CPT1A: variants seen among roughly 807,000 people sequenced by gnomAD.
CPT1A encodes the protein carnitine O-palmitoyltransferase 1, liver isoform.
In CPT1A, 64 loss-of-function variants were observed where a neutral mutation model predicts 100.8. That is an observed-to-expected ratio of 0.63 (90% CI 0.52 to 0.78). The LOEUF is 0.78. Among genes scored for constraint, CPT1A ranks in the 30% least tolerant of loss-of-function variants. CPT1A has a pLI of 0.00. For synonymous variants in CPT1A, 363 were observed against 396.0 expected, an observed-to-expected ratio of 0.92 and a Z score of 0.99; for missense variants, 802 against 1,034.1, an observed-to-expected ratio of 0.78 and a Z score of 3.08.
At chr11:68,758,074 C>A (rs1160569943) in intron 18 of CPT1A, among the ~76,000 whole-genome samples, 1 of 152,130 alleles carries the variant, frequency 6.6e-6, no homozygotes, top group Non-Finnish European at 1.5e-5. Flanking sequence ...TCAAGACCAG[C>A]CTGGGAAACA....
At chr11:68,827,662 G>A (rs1856765269) in intron 1 of CPT1A, among the ~76,000 whole-genome samples, 1 of 151,970 alleles carries the variant, frequency 6.6e-6, no homozygotes, top group Admixed American at 6.6e-5. Context: ...GATTACAGGT[G>A]CCCAGCCCTG....
Position 68,780,679 on chromosome 11 carries a change from G to C in CPT1A, c.1419C>G (p.His473Gln). 6.2e-7 allele frequency: 1 copy of C among 1,614,232 alleles called. No individual in the cohort carries two copies. The highest frequency in any genetic ancestry group is 8.5e-7 in the Non-Finnish European group (1 of 1,180,032). The change falls in exon 12 of 19, where the codon CAC becomes CAG. Residue 473 changes from histidine (H) to glutamine (Q), a missense_variant. Physicochemically the swap from His to Gln is conservative, Grantham distance 24. This residue lies in a region of CPT1A where 627 missense variants were observed against 799.3 expected (regional missense o/e 0.78). Transcript: ENST00000265641. ...CCACGATCGGCGCATCTGCCCAGGA[G>C]TGTTCAGCGTTGAGGCCCATCTTCC... ...KNGKMGLNAE[H>Q]SWADAPIVAH...
chr11:68,804,661 T>C lies in CPT1A; in HGVS notation c.454-560A>G, dbSNP rs145820814. Among the ~76,000 whole-genome samples the C allele has an allele frequency of 3.6e-3, 545 of 152,330 alleles. 3 individuals carry two copies. Among genetic ancestry groups the C allele is most frequent in the African/African-American group, 0.012 (505 of 41,578 alleles). ...GCCAAGCCTGACAGAGGCCGTGAGA[T>C]GTCGCTGCCAGCGTCGTGACTGGCC... On this transcript the variant is annotated intron_variant, in intron 4 of 18. Transcript: ENST00000265641.
intron 1 of CPT1A, among the ~76,000 whole-genome samples, chr11:68,820,838 A>G (rs1463777994): frequency 1.3e-5 from 2 of 152,074 alleles, no homozygotes; most frequent in Admixed American, 1.3e-4. Context: ...GAGTTACTAC[A>G]CAGTAGTACT....
intron 1 of CPT1A, among the ~76,000 whole-genome samples, chr11:68,821,064 G>A (rs997060357): frequency 2.6e-5 from 4 of 152,278 alleles, no homozygotes; most frequent in African/African-American, 7.2e-5. Context: ...GTGCAATCTC[G>A]GGTTCAAGTG....
At chr11:68,788,374 G>A (rs11228353) in intron 9 of CPT1A, among the ~76,000 whole-genome samples, 12,513 of 152,002 alleles carry the variant, frequency 0.082, 633 homozygotes, top group Non-Finnish European at 0.11. Context: ...CGAGGCGGGC[G>A]GATCACTTGA....
Position 68,796,831 on chromosome 11 carries a change from C to T in CPT1A, c.771+25G>A, listed in dbSNP as rs779903651. On this transcript the variant is annotated intron_variant, in intron 7 of 18. Coordinates refer to ENST00000265641, the MANE Select transcript of CPT1A (RefSeq NM_001876.4). Reference sequence around the variant, plus strand: ...CCGCCGCCCCACCGTCCTCGTCAGACAGCAGCCCGGGCGGGTGGACTCACC... The same window carrying T: ...CCGCCGCCCCACCGTCCTCGTCAGATAGCAGCCCGGGCGGGTGGACTCACC... 6 of 1,611,650 alleles carry T rather than the reference C, an allele frequency of 3.7e-6. No homozygotes were observed. The African/African-American group carries it at 6.7e-5, about 18-fold the overall frequency.
At chr11:68,821,607 G>A (rs1856584025) in intron 1 of CPT1A, among the ~76,000 whole-genome samples, 2 of 152,226 alleles carry the variant, frequency 1.3e-5, no homozygotes, top group African/African-American at 4.8e-5. Flanking sequence ...TATACTTTAA[G>A]TCATCTCTAG....
chr11:68,757,750 A>T lies in CPT1A; in HGVS notation c.2236-20T>A. On this transcript the variant is annotated intron_variant, in intron 18 of 18. Transcript: ENST00000265641. ...AGAATCCTTTCATGTAAAAACAAAA[A>T]CCAAAAACCTATTAAAACGTGGCCA... 6.2e-7 allele frequency: 1 copy of T among 1,610,500 alleles called. No homozygotes were observed. Among genetic ancestry groups the T allele is most frequent in the Non-Finnish European group, 8.5e-7 (1 of 1,177,324 alleles).
chr11:68,791,269 C>A (rs184835670), intron 9 of CPT1A, among the ~76,000 whole-genome samples: 2 of 152,358 alleles, frequency 1.3e-5, no homozygotes, highest in East Asian at 3.9e-4. Flanking sequence ...CCCCAGGACA[C>A]CCTGACCCAC....
intron 8 of CPT1A, 101 bp from the exon 9 acceptor site, chr11:68,793,503 T>C (rs1233737212): frequency 2.4e-5 from 21 of 880,384 alleles, no homozygotes; most frequent in Non-Finnish European, 3.4e-5. Context: ...CCCAACACTT[T>C]GGGAGGCTGA....
chr11:68,813,902 G>C (rs1298377299), intron 2 of CPT1A, among the ~76,000 whole-genome samples: 1 of 152,208 alleles, frequency 6.6e-6, no homozygotes, highest in Non-Finnish European at 1.5e-5. Flanking sequence ...AGAACCCACA[G>C]GCTGAGCCCC....
chr11:68,810,410 G>C (rs897918841), intron 3 of CPT1A, among the ~76,000 whole-genome samples: 1 of 152,140 alleles, frequency 6.6e-6, no homozygotes, highest in Non-Finnish European at 1.5e-5. Context: ...AGGCGTCCCA[G>C]CCAGGCATGC....
intron 15 of CPT1A, among the ~76,000 whole-genome samples, 190 bp from the exon 16 acceptor site, chr11:68,761,877 C>T (rs751752090): frequency 6.6e-6 from 1 of 152,186 alleles, no homozygotes; most frequent in Non-Finnish European, 1.5e-5. Context: ...TCCCAAAGTA[C>T]TGGGATTACA....
intron 14 of CPT1A, among the ~76,000 whole-genome samples, chr11:68,770,072 A>AC (rs397765529): frequency 2.7e-5 from 4 of 150,590 alleles, no homozygotes; most frequent in Non-Finnish European, 5.9e-5. Context: ...AAAAAAAAAA[A>AC]CAGTGTGAAC....
Position 68,807,485 on chromosome 11 carries a change from A to T in CPT1A, c.435T>A (p.Arg145=). 6.2e-7 allele frequency: 1 copy of T among 1,614,096 alleles called. No individual in the cohort carries two copies. The highest frequency in any genetic ancestry group is 2.2e-5 in the East Asian group (1 of 44,878). ...WMFTEHGKMS[R]ATKIWMGMVK... The stretch of plus-strand genomic sequence containing the variant: ...CAATTACCATCCAGATCTTGGTGGC[A>T]CGACTCATCTTGCCGTGCTCAGTGA... Residue 145 remains arginine, a synonymous_variant, in exon 4 of 19, where the codon CGT becomes CGA. Transcript: ENST00000265641.
At chr11:68,794,130 A>G (rs751597553) in intron 8 of CPT1A, among the ~76,000 whole-genome samples, 38 of 152,348 alleles carry the variant, frequency 2.5e-4, no homozygotes, top group Admixed American at 9.2e-4. Flanking sequence ...AAGGAGAATT[A>G]CATCTCAGAA....
intron 1 of CPT1A, among the ~76,000 whole-genome samples, chr11:68,824,340 A>T (rs1013216999): frequency 1.3e-5 from 2 of 152,042 alleles, no homozygotes; most frequent in African/African-American, 4.8e-5. Context: ...GGGCTGAAAA[A>T]TTACCTATCA....
chr11:68,763,610 G>A (rs1854700460), intron 14 of CPT1A, among the ~76,000 whole-genome samples: 1 of 152,162 alleles, frequency 6.6e-6, no homozygotes, highest in African/African-American at 2.4e-5. Context: ...GCTGGCAGAT[G>A]CACAGGGAAG....
Sources: allele counts gnomAD v4.1 joint callset (sites outside exome capture counted in the v4.1 genomes callset), GRCh38; gene constraint gnomAD v4.1.1; regional missense constraint gnomAD v4.1.1; transcripts MANE v1.5; gene names NCBI Gene and HGNC (gene_info 2026-07-23, HGNC 2026-07-21).